The following MGAT4C variants were observed in gnomAD, a reference collection of about 807,000 sequenced individuals.
MGAT4C encodes MGAT4 family member C.
MGAT4C carries 19 observed loss-of-function variants against 40.1 expected under a neutral mutation model. The observed-to-expected ratio is 0.47, with a 90% CI of 0.33 to 0.70. The LOEUF is 0.70. MGAT4C is among the 30% of genes least tolerant of loss of function. The pLI, the probability that MGAT4C is intolerant of heterozygous loss-of-function variation, is 0.02. For synonymous variants in MGAT4C, 181 were observed against 187.1 expected (o/e 0.97, Z 0.27); for missense variants, 491 against 563.2 (o/e 0.87, Z 1.30).
chr12:86,176,359 A>C (rs1301195218), intron 1 of MGAT4C, among the ~76,000 whole-genome samples: 3 of 152,154 alleles, frequency 2.0e-5, no homozygotes, highest in Non-Finnish European at 4.4e-5. Context: ...TTCAGCACAA[A>C]CATAGTCTTG....
chr12:86,246,939 A>G (rs1952061583), intron 1 of MGAT4C, among the ~76,000 whole-genome samples: 1 of 152,164 alleles, frequency 6.6e-6, no homozygotes, highest in African/African-American at 2.4e-5. Flanking sequence ...CTTTCATATG[A>G]TGGGACATCA....
intron 1 of MGAT4C, among the ~76,000 whole-genome samples, chr12:86,103,662 A>G (rs1457687945): frequency 1.3e-5 from 2 of 152,076 alleles, no homozygotes; most frequent in African/African-American, 4.8e-5. Context: ...GTCTAAACTA[A>G]TATACCCTTG....
At chr12:86,673,387 C>T (rs561293422) in intron 2 of MGAT4C, among the ~76,000 whole-genome samples, 2 of 152,082 alleles carry the variant, frequency 1.3e-5, no homozygotes, top group South Asian at 2.1e-4. Flanking sequence ...AGAAAGCACC[C>T]GTATCATATA....
chr12:86,182,384 T>C (rs1301203875), intron 1 of MGAT4C, among the ~76,000 whole-genome samples: 2 of 152,190 alleles, frequency 1.3e-5, no homozygotes, highest in African/African-American at 2.4e-5. Context: ...TTTCAACAAA[T>C]GCAACTGAAT....
intron 1 of MGAT4C, among the ~76,000 whole-genome samples, chr12:86,103,227 G>T (rs762596537): frequency 2.2e-4 from 33 of 152,228 alleles, no homozygotes; most frequent in Non-Finnish European, 3.8e-4. Context: ...AACTAGGAAT[G>T]TTACCTTATA....
chr12:86,349,578 T>C (rs1955113664), intron 3 of MGAT4C, among the ~76,000 whole-genome samples: 1 of 152,144 alleles, frequency 6.6e-6, no homozygotes, highest in African/African-American at 2.4e-5. Flanking sequence ...AGGAACGAAC[T>C]AGTGCTTCAA....
intron 3 of MGAT4C, among the ~76,000 whole-genome samples, chr12:86,408,509 A>C (rs1565740551): frequency 7.7e-6 from 1 of 130,176 alleles, no homozygotes; most frequent in African/African-American, 2.9e-5. Context: ...ATATATATAT[A>C]TATATTCTTG....
At chr12:86,330,008 TA>T in intron 4 of MGAT4C, among the ~76,000 whole-genome samples, 1 of 152,342 alleles carries the variant, frequency 6.6e-6, no homozygotes, top group East Asian at 1.9e-4. Context: ...CAATACTAGT[TA>T]TGTATTCCAT....
At chr12:86,173,144 C>T (rs757577058) in intron 1 of MGAT4C, among the ~76,000 whole-genome samples, 4 of 152,088 alleles carry the variant, frequency 2.6e-5, no homozygotes, top group South Asian at 2.1e-4. Context: ...GGCAAGAGAC[C>T]GAATAACCTA....
At chr12:86,690,774 C>G (rs1950158827) in intron 2 of MGAT4C, among the ~76,000 whole-genome samples, 1 of 152,144 alleles carries the variant, frequency 6.6e-6, no homozygotes. Flanking sequence ...AGACCAATCT[C>G]AACTTTTAAT....
intron 2 of MGAT4C, among the ~76,000 whole-genome samples, chr12:86,042,265 C>G (rs1459987229): frequency 1.3e-5 from 2 of 152,162 alleles, no homozygotes; most frequent in East Asian, 3.9e-4. Flanking sequence ...TTTATCCAAC[C>G]TGCCACTTTG....
intron 1 of MGAT4C, among the ~76,000 whole-genome samples, chr12:86,825,399 A>T (rs990227995): frequency 6.6e-6 from 1 of 151,306 alleles, no homozygotes; most frequent in Non-Finnish European, 1.5e-5. Context: ...ATAATTTTTT[A>T]ATGTGCAGAG....
intron 3 of MGAT4C, among the ~76,000 whole-genome samples, chr12:86,338,111 G>T (rs1198002789): frequency 6.6e-6 from 1 of 152,102 alleles, no homozygotes; most frequent in Non-Finnish European, 1.5e-5. Context: ...CACTGTGTGG[G>T]ATACTAAAGT....
At chr12:86,748,833 A>T (rs1348061946) in intron 1 of MGAT4C, among the ~76,000 whole-genome samples, 1 of 151,670 alleles carries the variant, frequency 6.6e-6, no homozygotes, top group Non-Finnish European at 1.5e-5. Context: ...TTAGTATATT[A>T]GTAGGTAATT....
intron 1 of MGAT4C, among the ~76,000 whole-genome samples, chr12:86,819,046 A>C (rs1444473342): frequency 6.6e-6 from 1 of 151,060 alleles, no homozygotes; most frequent in African/African-American, 2.4e-5. Context: ...AAATGGTATA[A>C]CCACTATGAA....
chr12:86,778,879 A>C (rs1184816021), intron 1 of MGAT4C, among the ~76,000 whole-genome samples: 3 of 151,908 alleles, frequency 2.0e-5, no homozygotes, highest in Non-Finnish European at 4.4e-5. Context: ...TATAAAACAA[A>C]ACAAAACTAC....
rs1240871904 is a variant in MGAT4C, at chr12:85,973,485, T to C, written c.*5804A>G. 6.6e-6 allele frequency: 1 copy of C among 150,846 alleles called. No homozygotes were observed. Among genetic ancestry groups the C allele is most frequent in the African/African-American group, 2.4e-5 (1 of 41,344 alleles). 9.3% of individuals were successfully genotyped at this position (150,846 alleles called of 1,614,324 possible). On this transcript the variant is annotated 3_prime_UTR_variant, in exon 5 of 5. Transcript: ENST00000611864. ...TTGTTGTGCACCTTTAAACAACTCTTAAATAAAGTAATGATTCTCTTTATA... is the reference window on the plus strand; with the variant it reads ...TTGTTGTGCACCTTTAAACAACTCTCAAATAAAGTAATGATTCTCTTTATA...
chr12:86,749,905 G>T (rs1951207962), intron 1 of MGAT4C, among the ~76,000 whole-genome samples: 1 of 151,726 alleles, frequency 6.6e-6, no homozygotes, highest in Non-Finnish European at 1.5e-5. Flanking sequence ...GAATGGTGAG[G>T]ATTAAGGTTT....
intron 1 of MGAT4C, among the ~76,000 whole-genome samples, chr12:86,138,302 T>C (rs1006296894): frequency 2.0e-5 from 3 of 151,368 alleles, no homozygotes; most frequent in African/African-American, 7.3e-5. Context: ...TGACTAATGT[T>C]ACAATCATTT....
Sources: allele counts gnomAD v4.1 joint callset (sites outside exome capture counted in the v4.1 genomes callset), GRCh38; gene constraint gnomAD v4.1.1; transcripts MANE v1.5; gene names NCBI Gene and HGNC (gene_info 2026-07-23, HGNC 2026-07-21).